Variants in LMX1B observed in about 807,000 individuals in gnomAD.
LMX1B encodes LIM homeobox transcription factor 1 beta.
In LMX1B, 12 loss-of-function variants were observed where a neutral mutation model predicts 51.4. The observed-to-expected ratio is 0.23, with a 90% confidence interval of 0.15 to 0.38. The LOEUF (loss-of-function observed/expected upper bound fraction) is 0.38, where lower values mean the gene tolerates loss of function less well. LMX1B is among the 10% of genes least tolerant of loss of function. The probability of loss-of-function intolerance (pLI) is 1.00; values close to 1 mark genes in which losing one functional copy is unlikely to be tolerated. For missense variants in LMX1B, 445 were observed against 571.1 expected (o/e 0.78, Z 2.25); for synonymous variants, 237 against 235.4 (o/e 1.01, Z -0.06).
rs1446484135 is a variant in LMX1B, at chr9:126,677,241, T to C, written c.327-13595T>C. Among the ~76,000 whole-genome samples the C allele has an allele frequency of 6.6e-6, 1 of 152,148 alleles. No individual in the cohort carries two copies. Among genetic ancestry groups the C allele is most frequent in the African/African-American group, 2.4e-5 (1 of 41,416 alleles). On this transcript the variant is annotated intron_variant, in intron 2 of 7. Coordinates refer to ENST00000373474, the MANE Select transcript of LMX1B (RefSeq NM_001174147.2). This position sits in a 1 kb window ranked among gnomAD's most constrained non-coding sequence, Gnocchi z 5.0. ...GTCCCCATCTCTGGCAGGAAATGAG[T>C]GGCACCCACACTTTCATATACCTCC...
chr9:126,700,882 T>C lies in LMX1B; in HGVS notation c.*4431T>C, dbSNP rs1412059296. 6.6e-6 allele frequency: 1 copy of C among 152,274 alleles called. No individual in the cohort carries two copies. Among genetic ancestry groups the C allele is most frequent in the African/African-American group, 2.4e-5 (1 of 41,470 alleles). 9.4% of individuals were successfully genotyped at this position (152,274 alleles called of 1,614,324 possible). On this transcript the variant is annotated 3_prime_UTR_variant, in exon 8 of 8. Coordinates refer to ENST00000373474, the MANE Select transcript of LMX1B (RefSeq NM_001174147.2). The stretch of plus-strand genomic sequence containing the variant: ...CATTTTATTTAATAACTTGTCATTG[T>C]TAAATTATTTATTAGCGTTTACCAC...
intron 2 of LMX1B, among the ~76,000 whole-genome samples, chr9:126,680,930 G>A (rs141071575): frequency 1.1e-3 from 171 of 152,228 alleles, no homozygotes; most frequent in African/African-American, 3.9e-3. Flanking sequence ...AGCCAGAAAC[G>A]ATGCAGGGAA....
At chr9:126,616,107 G>A (rs1835298720) in intron 2 of LMX1B, among the ~76,000 whole-genome samples, 1 of 152,174 alleles carries the variant, frequency 6.6e-6, no homozygotes, top group South Asian at 2.1e-4. Flanking sequence ...AGAAAAGAAT[G>A]TCCATATTCC....
intron 2 of LMX1B, among the ~76,000 whole-genome samples, chr9:126,680,761 C>A (rs1184411815): frequency 6.6e-6 from 1 of 152,018 alleles, no homozygotes; most frequent in Non-Finnish European, 1.5e-5. Flanking sequence ...AGTGAAGGGG[C>A]AGAAAGAAGG....
intron 2 of LMX1B, among the ~76,000 whole-genome samples, chr9:126,667,232 T>C (rs72762516): frequency 2.0e-5 from 3 of 152,340 alleles, no homozygotes; most frequent in Non-Finnish European, 1.5e-5. Flanking sequence ...CTCTAACTGC[T>C]CTGCTCTGTA....
At chr9:126,620,920 G>A (rs4455975) in intron 2 of LMX1B, among the ~76,000 whole-genome samples, 58,698 of 151,932 alleles carry the variant, frequency 0.39, 12,249 homozygotes, top group East Asian at 0.56. Context: ...GAGAGGTCTG[G>A]GGGATTTGTC....
In LMX1B at chr9:126,674,846, G is replaced by A. The variant is rs977520458; in HGVS notation, c.327-15990G>A. On this transcript the variant is annotated intron_variant, in intron 2 of 7. Transcript: ENST00000373474. ...GGGCACCAGCCTGGACCCTCTTAGC[G>A]AGTCTCCCCACAAATGATCTTTAAA... 4.6e-5 allele frequency among the ~76,000 whole-genome samples: 7 copies of A among 152,272 alleles called. No individual in the cohort carries two copies. The South Asian group carries it at 1.0e-3, about 23-fold the overall frequency.
chr9:126,693,494 G>T, intron 4 of LMX1B, 30 bp from the exon 5 acceptor site: 1 of 1,611,454 alleles, frequency 6.2e-7, no homozygotes, highest in Non-Finnish European at 8.5e-7. Context: ...CCCCTGGAGG[G>T]CCTGACCTGT....
At chr9:126,628,993 T>TA (rs56065931) in intron 2 of LMX1B, among the ~76,000 whole-genome samples, 15 of 148,552 alleles carry the variant, frequency 1.0e-4, no homozygotes, top group African/African-American at 3.7e-4. Context: ...TCAATTAGAT[T>TA]AAAAAAAAAA....
At chr9:126,637,811 G>A (rs1835739104) in intron 2 of LMX1B, among the ~76,000 whole-genome samples, 1 of 149,320 alleles carries the variant, frequency 6.7e-6, no homozygotes, top group Non-Finnish European at 1.5e-5. Context: ...CAGGGACTGT[G>A]GTGCCTGTCC....
chr9:126,674,767 C>A (rs1836522875), intron 2 of LMX1B, among the ~76,000 whole-genome samples: 1 of 152,212 alleles, frequency 6.6e-6, no homozygotes, highest in African/African-American at 2.4e-5. Context: ...TGGTAACCCA[C>A]CCCCTCTCCC....
intron 2 of LMX1B, among the ~76,000 whole-genome samples, chr9:126,682,553 T>A (rs981474436): frequency 6.6e-6 from 1 of 152,162 alleles, no homozygotes; most frequent in Non-Finnish European, 1.5e-5. Context: ...TTCTCACTGC[T>A]CTAGCCCCGC....
intron 2 of LMX1B, among the ~76,000 whole-genome samples, chr9:126,652,330 C>T (rs1289032156): frequency 6.6e-6 from 1 of 151,856 alleles, no homozygotes; most frequent in East Asian, 1.9e-4. Context: ...TCCCGGCCTG[C>T]TTATCTGATC....
At chr9:126,652,299 G>GC (rs1554724853) in intron 2 of LMX1B, among the ~76,000 whole-genome samples, 5 of 150,612 alleles carry the variant, frequency 3.3e-5, no homozygotes, top group African/African-American at 7.3e-5. Context: ...GAGGAGAAGG[G>GC]GGGGGGGATT....
At chr9:126,634,652 C>T (rs2118867559) in intron 2 of LMX1B, among the ~76,000 whole-genome samples, 1 of 152,296 alleles carries the variant, frequency 6.6e-6, no homozygotes, top group South Asian at 2.1e-4. Flanking sequence ...GTCCTTTGAC[C>T]TCTCTGAGCC....
At chr9:126,623,949 G>A (rs932588991) in intron 2 of LMX1B, among the ~76,000 whole-genome samples, 4 of 152,250 alleles carry the variant, frequency 2.6e-5, no homozygotes, top group Admixed American at 2.6e-4. Flanking sequence ...TCTTTACTGG[G>A]AGTGGGATGA....
rs2030197044 is a variant in LMX1B at position 126,693,193 on chromosome 9, G to T, written c.611G>T (p.Ser204Ile). ...ATGAAGCCGGCCAAGGGGCAGGGCA[G>T]TCAGAGCAAGGGCAGCGGGGATGAC... Reference protein sequence around the residue: ...GDMKPAKGQGSQSKGSGDDGK... With the variant: ...GDMKPAKGQGIQSKGSGDDGK... Residue 204 changes from serine (S) to isoleucine (I), a missense_variant, in exon 4 of 8, where the codon AGT (serine) becomes ATT (isoleucine). Transcript: ENST00000373474. 1 of 1,605,360 alleles carries T rather than the reference G, an allele frequency of 6.2e-7. No individual in the cohort carries two copies. Among genetic ancestry groups the T allele is most frequent in the South Asian group, 1.1e-5 (1 of 89,340 alleles).
At position 126,656,178 on chromosome 9, in the gene LMX1B, A is replaced by G. The variant is rs1408529548; in HGVS notation, c.327-34658A>G. Among the ~76,000 whole-genome samples the G allele has an allele frequency of 2.6e-5, 4 of 152,282 alleles. No individual in the cohort carries two copies. In the South Asian group the frequency reaches 8.3e-4, roughly 32 times the overall value. On this transcript the variant is annotated intron_variant, in intron 2 of 7. Coordinates refer to ENST00000373474, the MANE Select transcript of LMX1B (RefSeq NM_001174147.2). ...GAATAGATATATTTTTACCAAATTT[A>G]TTTTTTGCAGTTTCCTTAAATGAGG... is the stretch of plus-strand genomic sequence containing the variant.
intron 2 of LMX1B, among the ~76,000 whole-genome samples, chr9:126,676,146 C>T (rs543560560): frequency 5.3e-5 from 8 of 152,298 alleles, no homozygotes; most frequent in African/African-American, 1.9e-4. Context: ...TCCAGGCACC[C>T]GCCCTTCCCT....
Sources: gnomAD v4.1 joint callset for allele counts (sites outside exome capture counted in the v4.1 genomes callset) on GRCh38, gnomAD v4.1.1 for gene constraint, Gnocchi (gnomAD v3.1) non-coding constraint, MANE v1.5 for transcripts, NCBI Gene and HGNC (gene_info 2026-07-23, HGNC 2026-07-21) for gene names.